The following TAFA2 variants were observed in gnomAD, a reference collection of about 807,000 sequenced individuals.
TAFA2 encodes TAFA chemokine like family member 2.
TAFA2 carries 7 observed loss-of-function variants against 18.8 expected under a neutral mutation model. The observed-to-expected ratio is 0.37, with a 90% CI of 0.21 to 0.70. TAFA2 has a LOEUF of 0.70. TAFA2 is among the 30% of genes least tolerant of loss of function. The pLI is 0.53. For synonymous variants in TAFA2, 60 were observed against 54.2 expected (o/e 1.11, Z -0.47); for missense variants, 122 against 158.1 (o/e 0.77, Z 1.23).
chr12:61,922,876 CTG>C (rs1877115911), intron 1 of TAFA2, among the ~76,000 whole-genome samples: 1 of 152,160 alleles, frequency 6.6e-6, no homozygotes, highest in Non-Finnish European at 1.5e-5. Flanking sequence ...ACACAGCAAT[CTG>C]AAGTCAACCT....
At chr12:62,247,130 G>A (rs536275154) in intron 1 of TAFA2, among the ~76,000 whole-genome samples, 4 of 151,808 alleles carry the variant, frequency 2.6e-5, no homozygotes, top group African/African-American at 9.7e-5. Flanking sequence ...TTAATTTACT[G>A]TATTATTTCC....
intron 2 of TAFA2, among the ~76,000 whole-genome samples, chr12:61,808,816 G>A (rs1020961858): frequency 3.3e-5 from 5 of 151,240 alleles, no homozygotes; most frequent in Non-Finnish European, 4.4e-5. Flanking sequence ...CAGCGCATAC[G>A]GAATCAGCAA....
At chr12:61,773,708 A>T (rs572574566) in intron 2 of TAFA2, among the ~76,000 whole-genome samples, 1 of 152,090 alleles carries the variant, frequency 6.6e-6, no homozygotes, top group African/African-American at 2.4e-5. Context: ...TTAACTCAAG[A>T]TGAGTCAAAG....
At chr12:62,069,671 CT>C (rs1882578036) in intron 1 of TAFA2, among the ~76,000 whole-genome samples, 1 of 152,096 alleles carries the variant, frequency 6.6e-6, no homozygotes, top group Admixed American at 6.6e-5. Flanking sequence ...GTTTTTTATA[CT>C]TGAAAAAAGA....
intron 1 of TAFA2, among the ~76,000 whole-genome samples, chr12:61,910,323 G>A (rs770651690): frequency 1.3e-5 from 2 of 152,080 alleles, no homozygotes; most frequent in Non-Finnish European, 2.9e-5. Context: ...TATGTTCTTA[G>A]TATGAATTAT....
chr12:61,899,793 T>C (rs1381264242), intron 1 of TAFA2, among the ~76,000 whole-genome samples: 1 of 152,240 alleles, frequency 6.6e-6, no homozygotes, highest in Non-Finnish European at 1.5e-5. Flanking sequence ...TTTTTGCTTG[T>C]CATTATTCTC....
At position 62,141,129 on chromosome 12, in the gene TAFA2, C is replaced by A. The variant is rs59966627; in HGVS notation, c.-2+50130G>T. On this transcript the variant is annotated intron_variant, in intron 1 of 4. Coordinates refer to ENST00000416284, the MANE Select transcript of TAFA2 (RefSeq NM_178539.5). Reference sequence around the variant, plus strand: ...AAGTAAATTGTCCAAGGTTACCAGTCAGATCACAGATGCCTGAAATACCTT... The same window carrying A: ...AAGTAAATTGTCCAAGGTTACCAGTAAGATCACAGATGCCTGAAATACCTT... Among the ~76,000 whole-genome samples the A allele has an allele frequency of 2.7e-3, 415 of 152,308 alleles. 1 individual carries two copies. The highest frequency in any genetic ancestry group is 9.8e-3 in the African/African-American group (406 of 41,566).
intron 2 of TAFA2, among the ~76,000 whole-genome samples, chr12:61,792,638 T>C (rs1042027166): frequency 3.3e-5 from 5 of 151,640 alleles, no homozygotes; most frequent in East Asian, 1.9e-4. Context: ...GATGTGAGTA[T>C]ATTATTTTCA....
At chr12:62,104,624 T>G in intron 1 of TAFA2, 2 of 438,012 alleles carry the variant, frequency 4.6e-6, no homozygotes, top group South Asian at 3.2e-5. Flanking sequence ...ATCTCACTCT[T>G]GTATACAGCC....
chr12:61,869,218 T>C (rs955309107), intron 1 of TAFA2, among the ~76,000 whole-genome samples: 3 of 152,200 alleles, frequency 2.0e-5, no homozygotes, highest in Non-Finnish European at 2.9e-5. Flanking sequence ...ATCAGACTGT[T>C]GGGGTTTAAA....
intron 1 of TAFA2, among the ~76,000 whole-genome samples, chr12:61,869,382 T>C (rs1300632340): frequency 2.0e-5 from 3 of 152,238 alleles, no homozygotes; most frequent in African/African-American, 4.8e-5. Context: ...TTTAACACTA[T>C]GCATAGCAAA....
chr12:61,758,560 T>C (rs1157182577), intron 2 of TAFA2, among the ~76,000 whole-genome samples: 2 of 151,918 alleles, frequency 1.3e-5, no homozygotes, highest in Non-Finnish European at 1.5e-5. Context: ...TAAGGTAGTT[T>C]CTTACCTGAT....
At chr12:61,911,120 T>C (rs1299794007) in intron 1 of TAFA2, among the ~76,000 whole-genome samples, 2 of 152,214 alleles carry the variant, frequency 1.3e-5, no homozygotes, top group African/African-American at 2.4e-5. Flanking sequence ...TTACACTTTC[T>C]AGGCCAATTA....
At chr12:61,795,103 G>T (rs1871138136) in intron 2 of TAFA2, among the ~76,000 whole-genome samples, 1 of 152,166 alleles carries the variant, frequency 6.6e-6, no homozygotes, top group Non-Finnish European at 1.5e-5. Flanking sequence ...AGGATGTGGA[G>T]AAATAGGAAC....
At chr12:61,892,962 C>T (rs1875698284) in intron 1 of TAFA2, among the ~76,000 whole-genome samples, 1 of 152,104 alleles carries the variant, frequency 6.6e-6, no homozygotes, top group Non-Finnish European at 1.5e-5. Flanking sequence ...AACTTAAATG[C>T]TATATTTTTA....
chr12:61,774,931 G>T (rs941930935), intron 2 of TAFA2, among the ~76,000 whole-genome samples: 4 of 151,756 alleles, frequency 2.6e-5, no homozygotes, highest in Non-Finnish European at 5.9e-5. Flanking sequence ...ATCTGAAAAA[G>T]GATTGTTATC....
At chr12:61,976,956 C>T (rs1339339946) in intron 1 of TAFA2, among the ~76,000 whole-genome samples, 1 of 152,002 alleles carries the variant, frequency 6.6e-6, no homozygotes, top group African/African-American at 2.4e-5. Context: ...CAAGTCTTTG[C>T]TATTGTGAAT....
At chr12:62,106,019 C>T (rs542359853) in intron 1 of TAFA2, among the ~76,000 whole-genome samples, 2 of 152,178 alleles carry the variant, frequency 1.3e-5, no homozygotes, top group East Asian at 3.9e-4. Flanking sequence ...GAAAGTGCTA[C>T]GGTAAAAAGA....
rs550286360 is a variant in TAFA2 at position 61,796,961 on chromosome 12, TC to T, written c.107-41938del. Among the ~76,000 whole-genome samples, 24 of 152,278 alleles carry T rather than the reference TC, an allele frequency of 1.6e-4. No homozygotes were observed. In the East Asian group the frequency reaches 4.6e-3, roughly 29 times the overall value. On this transcript the variant is annotated intron_variant, in intron 2 of 4. Transcript: ENST00000416284. ...GAAGTACATGTGAAGAGGTCATACC[TC>T]ATTATACCTCTCTCAAACAGCTGTT...
Sources: allele counts gnomAD v4.1 joint callset (sites outside exome capture counted in the v4.1 genomes callset), GRCh38; gene constraint gnomAD v4.1.1; transcripts MANE v1.5; gene names NCBI Gene and HGNC (gene_info 2026-07-23, HGNC 2026-07-21).